Variants in RAD21 observed in about 807,000 individuals in gnomAD.
RAD21 encodes double-strand-break repair protein rad21 homolog.
A neutral mutation model predicts 71.5 loss-of-function variants in RAD21; 18 were observed. That is an observed-to-expected ratio of 0.25 (90% CI 0.17 to 0.37). The LOEUF is 0.37. RAD21 is among the 10% of genes least tolerant of loss of function. RAD21 has a pLI of 1.00. For synonymous variants in RAD21, 248 were observed against 254.0 expected (o/e 0.98, Z 0.22); for missense variants, 493 against 769.1 (o/e 0.64, Z 4.25).
At position 116,847,269 on chromosome 8, in the gene RAD21, C is replaced by T. The variant is rs1812267942; in HGVS notation, c.*231G>A. ...GAACTGTTAAAATCATCTTCTGAGT[C>T]CTTGGGGTGCTGTTTTCTCCATCAG... is the stretch of plus-strand genomic sequence containing the variant. On this transcript the variant is annotated 3_prime_UTR_variant, in exon 14 of 14. Coordinates refer to ENST00000297338, the MANE Select transcript of RAD21 (RefSeq NM_006265.3). The T allele has an allele frequency of 4.5e-6, 2 of 449,292 alleles. No homozygotes were observed. Among genetic ancestry groups the T allele is most frequent in the Non-Finnish European group, 7.9e-6 (2 of 253,146 alleles). The allele number at this position is 449,292 out of a possible 1,614,324, so 27.8% of individuals were successfully genotyped here.
chr8:116,852,557 T>C lies in RAD21; in HGVS notation c.1313A>G (p.Asp438Gly). ...ATTCCAACAGAACAAACCGATAACA[T>C]CACGCTGCTGATGCTGCTGTTGCTG... ...EDQQQQHQQRDVIDEPIIEEP... is the reference protein window; with the variant it reads ...EDQQQQHQQRGVIDEPIIEEP... Residue 438 changes from aspartate (D) to glycine (G), a missense_variant, in exon 10 of 14, where the codon GAT (aspartate) becomes GGT (glycine). Coordinates refer to ENST00000297338, the MANE Select transcript of RAD21 (RefSeq NM_006265.3). The C allele has an allele frequency of 6.2e-7, 1 of 1,611,680 alleles. No homozygotes were observed. Among genetic ancestry groups the C allele is most frequent in the Non-Finnish European group, 8.5e-7 (1 of 1,178,998 alleles).
At chr8:116,862,832 T>C (rs553153502) in intron 3 of RAD21, among the ~76,000 whole-genome samples, 4 of 152,278 alleles carry the variant, frequency 2.6e-5, no homozygotes, top group African/African-American at 4.8e-5. Flanking sequence ...TCCAACATTT[T>C]AACCTCTTGA....
At position 116,857,548 on chromosome 8, in the gene RAD21, T is replaced by C. The variant is rs758448104; in HGVS notation, c.482-75A>G. On this transcript the variant is annotated intron_variant, in intron 5 of 13. Transcript: ENST00000297338. The stretch of plus-strand genomic sequence containing the variant: ...TGTGATAAAAGAAAACTGCTAATGA[T>C]TTATTCTAATTATGTCACATTTGCT... 95 of 1,167,356 alleles carry C rather than the reference T, an allele frequency of 8.1e-5. 1 individual carries two copies. In the South Asian group the frequency reaches 9.4e-4, roughly 12 times the overall value. The allele number at this position is 1,167,356 out of a possible 1,614,324, so 72.3% of individuals were successfully genotyped here.
At position 116,854,577 on chromosome 8, in the gene RAD21, T is replaced by C. The variant is rs902394550; in HGVS notation, c.938-109A>G. 3.7e-6 allele frequency: 3 copies of C among 811,312 alleles called. No individual in the cohort carries two copies. In the African/African-American group the frequency reaches 5.2e-5, roughly 14 times the overall value. 50.3% of individuals were successfully genotyped at this position (811,312 alleles called of 1,614,324 possible). The stretch of plus-strand genomic sequence containing the variant: ...CCCCTGCTTTTCTACACACAGACTC[T>C]AGCAGAGAAGTTAAACTTCATGAGG... On this transcript the variant is annotated intron_variant, in intron 8 of 13. Transcript: ENST00000297338.
At chr8:116,858,746 G>C (rs1238595222) in intron 4 of RAD21, among the ~76,000 whole-genome samples, 2 of 152,088 alleles carry the variant, frequency 1.3e-5, no homozygotes, top group East Asian at 3.8e-4. Context: ...TCATGGGCTA[G>C]ATAGGCATGG....
chr8:116,850,771 A>G lies in RAD21; in HGVS notation c.1471-4T>C, dbSNP rs1265186352. 1.3e-6 allele frequency: 2 copies of G among 1,547,638 alleles called. No homozygotes were observed. Among genetic ancestry groups the G allele is most frequent in the East Asian group, 2.2e-5 (1 of 44,524 alleles). ...CCATCTGCTCTACCTGCTGAGGCTT[A>G]AAGCAATACAAATAAGACAATTTAA... On this transcript the variant is annotated splice_polypyrimidine_tract_variant and splice_region_variant and intron_variant, in intron 11 of 13. Coordinates refer to ENST00000297338, the MANE Select transcript of RAD21 (RefSeq NM_006265.3).
chr8:116,848,844 A>G (rs756694259), intron 13 of RAD21, 102 bp downstream of exon 13: 2 of 785,912 alleles, frequency 2.5e-6, no homozygotes, highest in Non-Finnish European at 3.9e-6. Context: ...AAGTTTGACA[A>G]AGGTATGCTT....
chr8:116,856,838 TG>T, intron 6 of RAD21, 67 bp from the exon 7 acceptor site: 1 of 1,209,004 alleles, frequency 8.3e-7, no homozygotes, highest in East Asian at 2.7e-5. Context: ...AGCCAATCAA[TG>T]GAAAAACAAA....
At chr8:116,847,740 A>C in intron 13 of RAD21, 49 bp from the exon 14 acceptor site, 1 of 1,484,014 alleles carries the variant, frequency 6.7e-7, no homozygotes, top group Non-Finnish European at 9.2e-7. Context: ...ATAAAGTAGT[A>C]ATTCAGTGAG....
Position 116,858,473 on chromosome 8 carries a change from C to A in RAD21, c.375-15G>T. On this transcript the variant is annotated splice_polypyrimidine_tract_variant and intron_variant, in intron 4 of 13. Coordinates refer to ENST00000297338, the MANE Select transcript of RAD21 (RefSeq NM_006265.3). The stretch of plus-strand genomic sequence containing the variant: ...CATCGATGTCACTTTAAAAGAAGGT[C>A]AAATACATTTTAGTTTCAAGTCTAT... 6.3e-7 allele frequency: 1 copy of A among 1,592,936 alleles called. No individual in the cohort carries two copies. Among genetic ancestry groups the A allele is most frequent in the South Asian group, 1.1e-5 (1 of 88,776 alleles).
chr8:116,852,151 A>G, intron 10 of RAD21, 55 bp from the exon 11 acceptor site: 1 of 1,442,306 alleles, frequency 6.9e-7, no homozygotes, highest in East Asian at 2.3e-5. Flanking sequence ...GAACAGTATT[A>G]TAGAACCATT....
At chr8:116,853,859 C>CA (rs1455637211) in intron 9 of RAD21, among the ~76,000 whole-genome samples, 1 of 152,012 alleles carries the variant, frequency 6.6e-6, no homozygotes, top group African/African-American at 2.4e-5. Flanking sequence ...AACAAAACAA[C>CA]AAAAAACCTC....
At chr8:116,874,482 G>A (rs16889187) in intron 1 of RAD21, 129 bp downstream of exon 1, 339 of 216,554 alleles carry the variant, frequency 1.6e-3, no homozygotes, top group Admixed American at 3.2e-3. Context: ...AGCACGCGTG[G>A]GCGCGGCGAG....
At chr8:116,866,913 T>G (rs1812706979) in intron 1 of RAD21, 152 bp from the exon 2 acceptor site, 2 of 470,034 alleles carry the variant, frequency 4.3e-6, no homozygotes, top group Admixed American at 8.7e-5. Flanking sequence ...AAACAACAGA[T>G]TTAAAACAAA....
At chr8:116,872,501 G>A (rs1234299568) in intron 1 of RAD21, among the ~76,000 whole-genome samples, 1 of 151,658 alleles carries the variant, frequency 6.6e-6, no homozygotes, top group Admixed American at 6.6e-5. Flanking sequence ...GGGCAAGTGA[G>A]GCCTACCTTT....
chr8:116,849,776 G>A (rs1812312616), intron 12 of RAD21, among the ~76,000 whole-genome samples: 1 of 152,056 alleles, frequency 6.6e-6, no homozygotes, highest in Non-Finnish European at 1.5e-5. Flanking sequence ...AGGTAGAAGT[G>A]GCTCTGAAAC....
chr8:116,857,856 TC>T (rs1812502446), intron 5 of RAD21, among the ~76,000 whole-genome samples: 1 of 152,194 alleles, frequency 6.6e-6, no homozygotes, highest in Admixed American at 6.5e-5. Flanking sequence ...GTGCCTGTAG[TC>T]CCAGCTACTT....
chr8:116,873,148 C>A (rs558984664), intron 1 of RAD21, among the ~76,000 whole-genome samples: 1 of 152,282 alleles, frequency 6.6e-6, no homozygotes, highest in South Asian at 2.1e-4. Context: ...AAAAACACAA[C>A]CTTATTTCTC....
chr8:116,849,817 T>C (rs1204336127), intron 12 of RAD21, among the ~76,000 whole-genome samples: 5 of 152,228 alleles, frequency 3.3e-5, no homozygotes, highest in Non-Finnish European at 5.9e-5. Context: ...GATATTCATA[T>C]TAAAGATAAG....
Sources: allele counts gnomAD v4.1 joint callset (sites outside exome capture counted in the v4.1 genomes callset), GRCh38; gene constraint gnomAD v4.1.1; transcripts MANE v1.5; gene names NCBI Gene and HGNC (gene_info 2026-07-23, HGNC 2026-07-21).